The following EGFR variants were observed in gnomAD, a reference collection of about 807,000 sequenced individuals.
EGFR encodes epidermal growth factor receptor, also known as avian erythroblastic leukemia viral (v-erb-b) oncogene homolog.
A neutral mutation model predicts 143.0 loss-of-function variants in EGFR; 58 were observed. The ratio of observed to expected loss-of-function variants is 0.41; its 90% confidence interval spans 0.33 to 0.50. The LOEUF (loss-of-function observed/expected upper bound fraction) is 0.50, where lower values mean the gene tolerates loss of function less well. Ranked by LOEUF, EGFR falls within the 20% of genes least tolerant of loss-of-function variation. EGFR has a pLI of 0.39. For synonymous variants in EGFR, 613 were observed against 594.4 expected (o/e 1.03, Z -0.45); for missense variants, 1,307 against 1,579.0 (o/e 0.83, Z 2.92).
At chr7:55,164,610 A>G (rs940489759) in intron 14 of EGFR, among the ~76,000 whole-genome samples, 2 of 152,242 alleles carry the variant, frequency 1.3e-5, no homozygotes, top group Admixed American at 6.5e-5. Flanking sequence ...GGCTCTGGGC[A>G]CACACAGCCC....
chr7:55,201,868 T>G (rs1359756973), intron 26 of EGFR, 86 bp downstream of exon 26: 1 of 1,492,764 alleles, frequency 6.7e-7, no homozygotes, highest in Non-Finnish European at 9.3e-7. Context: ...CCTAAATAAT[T>G]TTAACCCAGA....
chr7:55,169,648 T>C (rs547327536), intron 15 of EGFR, among the ~76,000 whole-genome samples: 2 of 152,254 alleles, frequency 1.3e-5, no homozygotes, highest in Admixed American at 6.5e-5. Context: ...CTTGAGTTCA[T>C]ACTCAATAGT....
At chr7:55,083,252 A>C (rs1790564078) in intron 1 of EGFR, among the ~76,000 whole-genome samples, 1 of 152,272 alleles carries the variant, frequency 6.6e-6, no homozygotes. Flanking sequence ...TAGTAGCATT[A>C]ACCATGGCAA....
At chr7:55,173,254 C>G (rs1001655097) in intron 17 of EGFR, 130 bp downstream of exon 17, 37 of 1,366,194 alleles carry the variant, frequency 2.7e-5, no homozygotes, top group Non-Finnish European at 3.7e-5. Flanking sequence ...GAAAGAATCT[C>G]TGAATGTGCA....
chr7:55,179,554 G>A (rs921717619), intron 19 of EGFR, among the ~76,000 whole-genome samples: 2 of 152,230 alleles, frequency 1.3e-5, no homozygotes, highest in Non-Finnish European at 2.9e-5. Context: ...GTGGGCAGGA[G>A]GACCAGAGGC....
At chr7:55,203,261 C>A (rs1482652600) in intron 27 of EGFR, among the ~76,000 whole-genome samples, 1 of 150,594 alleles carries the variant, frequency 6.6e-6, no homozygotes, top group Non-Finnish European at 1.5e-5. Flanking sequence ...CACACATACA[C>A]ACACCACACA....
chr7:55,110,741 G>A (rs910240381), intron 1 of EGFR, among the ~76,000 whole-genome samples: 4 of 152,134 alleles, frequency 2.6e-5, no homozygotes, highest in Admixed American at 1.3e-4. Context: ...ATTTGGGACC[G>A]ATTTTAGCCC....
At chr7:55,190,612 G>A (rs555476676) in intron 20 of EGFR, among the ~76,000 whole-genome samples, 5 of 152,202 alleles carry the variant, frequency 3.3e-5, no homozygotes, top group South Asian at 2.1e-4. Context: ...ATACAGGAGC[G>A]GCAGAGTGGA....
chr7:55,117,989 G>A (rs1792971387), intron 1 of EGFR, among the ~76,000 whole-genome samples: 1 of 152,192 alleles, frequency 6.6e-6, no homozygotes, highest in African/African-American at 2.4e-5. Context: ...GACCAGAGTA[G>A]GGCCTGACAC....
At chr7:55,032,712 T>A (rs754734651) in intron 1 of EGFR, among the ~76,000 whole-genome samples, 30 of 152,206 alleles carry the variant, frequency 2.0e-4, no homozygotes, top group Non-Finnish European at 3.7e-4. Context: ...CATATATGCA[T>A]CCTGGATGGC....
intron 1 of EGFR, among the ~76,000 whole-genome samples, chr7:55,049,162 T>A (rs981400453): frequency 3.3e-5 from 5 of 152,322 alleles, no homozygotes; most frequent in Admixed American, 3.3e-4. Flanking sequence ...ATTAGTAAAA[T>A]TCTGTATTGC....
intron 19 of EGFR, chr7:55,180,974 G>C (rs577709954): frequency 1.9e-4 from 91 of 475,780 alleles, no homozygotes; most frequent in South Asian, 1.9e-3. Flanking sequence ...GATACTATCA[G>C]TTCCCAAACT....
chr7:55,143,530 G>T (rs746194430), intron 3 of EGFR, 42 bp downstream of exon 3: 1 of 1,609,734 alleles, frequency 6.2e-7, no homozygotes, highest in Non-Finnish European at 8.5e-7. Context: ...CATAAATGCA[G>T]ACAGCAGTTC....
intron 1 of EGFR, among the ~76,000 whole-genome samples, chr7:55,038,776 G>A (rs1460576235): frequency 6.6e-6 from 1 of 152,224 alleles, no homozygotes; most frequent in African/African-American, 2.4e-5. Context: ...ACCTCACCTT[G>A]CAATATTATT....
At chr7:55,060,645 A>G (rs555238882) in intron 1 of EGFR, among the ~76,000 whole-genome samples, 4 of 152,256 alleles carry the variant, frequency 2.6e-5, no homozygotes, top group East Asian at 3.9e-4. Flanking sequence ...ATGACTTTTC[A>G]TCTTGTGTTT....
intron 18 of EGFR, among the ~76,000 whole-genome samples, chr7:55,174,454 A>G (rs1364774408): frequency 1.3e-5 from 2 of 152,148 alleles, no homozygotes; most frequent in Non-Finnish European, 2.9e-5. Context: ...TAAATTCTGG[A>G]TGAAATGATC....
At chr7:55,087,977 T>C (rs1181776126) in intron 1 of EGFR, among the ~76,000 whole-genome samples, 3 of 152,194 alleles carry the variant, frequency 2.0e-5, no homozygotes. Flanking sequence ...TGGTGGCTAA[T>C]TGAGGTAGGC....
chr7:55,033,928 T>G (rs1032338320), intron 1 of EGFR, among the ~76,000 whole-genome samples: 4 of 152,234 alleles, frequency 2.6e-5, no homozygotes, highest in Non-Finnish European at 4.4e-5. Flanking sequence ...TTTCTTCCTG[T>G]GCTCTTTTTA....
chr7:55,194,473 G>C (rs548290070), intron 22 of EGFR, among the ~76,000 whole-genome samples: 1 of 151,988 alleles, frequency 6.6e-6, no homozygotes, highest in Non-Finnish European at 1.5e-5. Flanking sequence ...TGATCTGCCC[G>C]CCTCGGCCTC....
Sources: gnomAD v4.1 joint callset for allele counts (sites outside exome capture counted in the v4.1 genomes callset) on GRCh38, gnomAD v4.1.1 for gene constraint, MANE v1.5 for transcripts, NCBI Gene and HGNC (gene_info 2026-07-23, HGNC 2026-07-21) for gene names.